The following CREB1 variants were observed in gnomAD, a reference collection of about 807,000 sequenced individuals.
The protein encoded by CREB1 is cyclic AMP-responsive element-binding protein 1.
A neutral mutation model predicts 42.0 loss-of-function variants in CREB1; 2 were observed. The observed-to-expected ratio is 0.05, with a 90% CI of 0.02 to 0.15. CREB1 has a LOEUF of 0.15. Ranked by LOEUF, CREB1 falls within the 10% of genes least tolerant of loss-of-function variation. The pLI is 1.00. For missense variants in CREB1, 199 were observed against 388.9 expected (o/e 0.51, Z 4.11); for synonymous variants, 123 against 139.9 (o/e 0.88, Z 0.85).
chr2:207,592,350 T>TG (rs1363361880), intron 7 of CREB1, among the ~76,000 whole-genome samples: 18 of 152,020 alleles, frequency 1.2e-4, no homozygotes, highest in Non-Finnish European at 2.4e-4. Flanking sequence ...GAGGTTGCAG[T>TG]AGCCCAGATC....
chr2:207,578,003 A>C (rs1467245668), intron 7 of CREB1: 2 of 287,368 alleles, frequency 7.0e-6, no homozygotes, highest in Admixed American at 9.9e-5. Flanking sequence ...CAAGAGTTTC[A>C]TATATGTATA....
chr2:207,559,379 A>C, intron 2 of CREB1: 1 of 640,230 alleles, frequency 1.6e-6, no homozygotes, highest in Non-Finnish European at 1.9e-6. Context: ...CTTTTAGCAA[A>C]CCTCATTACT....
At chr2:207,587,727 G>A (rs967009527) in intron 7 of CREB1, among the ~76,000 whole-genome samples, 4 of 152,138 alleles carry the variant, frequency 2.6e-5, no homozygotes, top group Admixed American at 6.5e-5. Flanking sequence ...TCACTCATGT[G>A]GGAGCTAAAA....
At chr2:207,553,003 T>G (rs1368521933) in intron 1 of CREB1, among the ~76,000 whole-genome samples, 1 of 152,004 alleles carries the variant, frequency 6.6e-6, no homozygotes, top group Non-Finnish European at 1.5e-5. Context: ...TGAAACTAGT[T>G]TTTTGTTTTT....
chr2:207,547,566 C>A (rs2081343713), intron 1 of CREB1, among the ~76,000 whole-genome samples: 1 of 152,108 alleles, frequency 6.6e-6, no homozygotes, highest in East Asian at 1.9e-4. Context: ...GAGATCAATT[C>A]TTCCAAGTGT....
At chr2:207,578,039 T>C in intron 7 of CREB1, 1 of 186,832 alleles carries the variant, frequency 5.4e-6, no homozygotes, top group Non-Finnish European at 1.1e-5. Flanking sequence ...ATTTTATCTA[T>C]ATTAAATTTA....
At chr2:207,535,341 C>G (rs1423729922) in intron 1 of CREB1, among the ~76,000 whole-genome samples, 1 of 152,086 alleles carries the variant, frequency 6.6e-6, no homozygotes, top group African/African-American at 2.4e-5. Context: ...CAGACTACTT[C>G]TTTCAATTAT....
intron 7 of CREB1, among the ~76,000 whole-genome samples, chr2:207,579,997 G>T (rs754633907): frequency 2.6e-4 from 39 of 152,082 alleles, no homozygotes; most frequent in Middle Eastern, 6.8e-3. Flanking sequence ...ATGTATTTCA[G>T]GCATTACTTT....
intron 7 of CREB1, 106 bp from the exon 8 acceptor site, chr2:207,596,808 G>A: frequency 4.0e-6 from 5 of 1,258,306 alleles, no homozygotes; most frequent in Non-Finnish European, 5.6e-6. Flanking sequence ...ATACTAAAAT[G>A]TTGGTTGCTG....
intron 1 of CREB1, among the ~76,000 whole-genome samples, chr2:207,550,040 A>G (rs2081443923): frequency 1.3e-5 from 2 of 152,222 alleles, no homozygotes; most frequent in Admixed American, 1.3e-4. Flanking sequence ...AACTAAATAC[A>G]GGCACAACAT....
Position 207,599,259 on chromosome 2 carries a change from T to A in CREB1, c.*2201T>A, listed in dbSNP as rs1406072994. ...ATTGTGTAACCGCATAGATATGTCA[T>A]TTTTAAAAACTGGTTTAACAGAAAT... On this transcript the variant is annotated 3_prime_UTR_variant, in exon 8 of 8. Transcript: ENST00000353267. 1 of 203,572 alleles carries A rather than the reference T, an allele frequency of 4.9e-6. No individual in the cohort carries two copies. The highest frequency in any genetic ancestry group is 2.3e-5 in the African/African-American group (1 of 43,684). 12.6% of individuals were successfully genotyped at this position (203,572 alleles called of 1,614,324 possible).
intron 7 of CREB1, 29 bp downstream of exon 7, chr2:207,577,684 TA>T (rs1189085280): frequency 1.9e-6 from 3 of 1,612,000 alleles, no homozygotes; most frequent in Non-Finnish European, 2.5e-6. Flanking sequence ...CTTAGATTGT[TA>T]TGTGTTAAGT....
intron 1 of CREB1, chr2:207,550,334 T>C (rs1458547458): frequency 1.1e-5 from 1 of 90,678 alleles, no homozygotes; most frequent in East Asian, 2.1e-4. Context: ...GAGGTCATTC[T>C]TTTTTTTTTT....
At chr2:207,530,523 C>T (rs865861663) in intron 1 of CREB1, among the ~76,000 whole-genome samples, 8 of 145,736 alleles carry the variant, frequency 5.5e-5, no homozygotes, top group East Asian at 2.0e-4. Context: ...GAACCCGGAG[C>T]CGCCCCGGGG....
rs1245810175 is a variant in CREB1, at chr2:207,570,294, A to G, written c.478A>G (p.Ile160Val). ...CACCACTGTAACGGTGCCAACTCCA[A>G]TTTACCAAACTAGCAGTGGACAGTA... ...AITTVTVPTP[I>V]YQTSSGQYIA... is the part of the protein sequence containing the mutation. The change falls in exon 5 of 8, where the codon ATT (isoleucine) becomes GTT (valine). Residue 160 changes from isoleucine (I) to valine (V), a missense_variant. Physicochemically the swap from Ile to Val is conservative, Grantham distance 29. This residue lies in a region of CREB1 where 66 missense variants were observed against 150.8 expected (regional missense o/e 0.44). Transcript: ENST00000353267. 6 of 1,612,934 alleles carry G rather than the reference A, an allele frequency of 3.7e-6. No homozygotes were observed. In the African/African-American group the frequency reaches 5.3e-5, roughly 14 times the overall value.
intron 7 of CREB1, among the ~76,000 whole-genome samples, chr2:207,584,704 C>T (rs1353528917): frequency 1.3e-5 from 2 of 152,090 alleles, no homozygotes; most frequent in African/African-American, 4.8e-5. Context: ...GCCCAGCCTT[C>T]ATTAGTGACT....
chr2:207,545,341 G>A (rs1178525081), intron 1 of CREB1, among the ~76,000 whole-genome samples: 2 of 152,070 alleles, frequency 1.3e-5, no homozygotes, highest in African/African-American at 2.4e-5. Flanking sequence ...CTGAGTAGCT[G>A]GGACTCCAGT....
chr2:207,577,321 A>G (rs1265591470), intron 6 of CREB1, 184 bp from the exon 7 acceptor site: 3 of 1,020,672 alleles, frequency 2.9e-6, no homozygotes, highest in East Asian at 5.6e-5. Flanking sequence ...AATACATTAC[A>G]TTGGGAATTA....
intron 7 of CREB1, among the ~76,000 whole-genome samples, chr2:207,590,030 TG>T (rs1421150702): frequency 2.0e-5 from 3 of 151,538 alleles, no homozygotes; most frequent in Middle Eastern, 3.2e-3. Flanking sequence ...CTTATATGGT[TG>T]GTAGAATTTG....
Sources: allele counts gnomAD v4.1 joint callset (sites outside exome capture counted in the v4.1 genomes callset), GRCh38; gene constraint gnomAD v4.1.1; regional missense constraint gnomAD v4.1.1; transcripts MANE v1.5; gene names NCBI Gene and HGNC (gene_info 2026-07-23, HGNC 2026-07-21).